The following FLYWCH1 variants were observed in gnomAD, a reference collection of about 807,000 sequenced individuals.
FLYWCH1 encodes FLYWCH-type zinc finger 1.
Under a neutral mutation model 66.4 loss-of-function variants are expected in FLYWCH1, and 75 were observed. The observed-to-expected ratio is 1.13, with a 90% CI of 0.94 to 1.37. The LOEUF (loss-of-function observed/expected upper bound fraction) is 1.37, where lower values mean the gene tolerates loss of function less well. Ranked by LOEUF, FLYWCH1 falls within the 40% of genes most tolerant of loss-of-function variation. The pLI is 0.00. For synonymous variants in FLYWCH1, 595 were observed against 429.9 expected, an observed-to-expected ratio of 1.38 and a Z score of -4.75; for missense variants, 1,334 against 1,001.8, an observed-to-expected ratio of 1.33 and a Z score of -4.48.
At chr16:2,922,402 G>A (rs1596359653) in intron 2 of FLYWCH1, 2 of 186,284 alleles carry the variant, frequency 1.1e-5, no homozygotes, top group Admixed American at 1.1e-4. Flanking sequence ...TTGTTCATCC[G>A]TCACCACCGT....
intron 6 of FLYWCH1, 129 bp downstream of exon 6, chr16:2,934,108 C>A: frequency 1.7e-6 from 2 of 1,192,518 alleles, no homozygotes; most frequent in Non-Finnish European, 2.3e-6. Flanking sequence ...CTAGAAGGAA[C>A]TATGGCCCTG....
chr16:2,923,541 C>T (rs181268705), intron 2 of FLYWCH1, among the ~76,000 whole-genome samples: 4 of 152,126 alleles, frequency 2.6e-5, no homozygotes, highest in Non-Finnish European at 5.9e-5. Flanking sequence ...CCACAGCGCC[C>T]GGGCAGTGCA....
intron 2 of FLYWCH1, among the ~76,000 whole-genome samples, chr16:2,925,614 C>G (rs1279717790): frequency 6.8e-6 from 1 of 147,622 alleles, no homozygotes; most frequent in Non-Finnish European, 1.5e-5. Context: ...CTAACCTTTT[C>G]CTGCCTGGAG....
rs533259942 is a variant in FLYWCH1, at chr16:2,915,466, A to G, written c.-74+1177A>G. 3 of 152,260 alleles carry G rather than the reference A, an allele frequency of 2.0e-5. No individual in the cohort carries two copies. In the South Asian group the frequency reaches 6.2e-4, roughly 32 times the overall value. 9.4% of individuals were successfully genotyped at this position (152,260 alleles called of 1,614,324 possible). A position where few individuals can be genotyped will look rare whatever the true frequency, so the allele number is the denominator to read the frequency against. On this transcript the variant is annotated intron_variant, in intron 2 of 9. Coordinates refer to ENST00000253928, the MANE Select transcript of FLYWCH1 (RefSeq NM_001308068.2). ...GTCTCAAACTCCTGAGCTCCACCTTACTGGCTAACGGTAAGTAAAATCTTT... is the reference window on the plus strand; with the variant it reads ...GTCTCAAACTCCTGAGCTCCACCTTGCTGGCTAACGGTAAGTAAAATCTTT...
intron 2 of FLYWCH1, chr16:2,922,720 G>C: frequency 2.0e-6 from 1 of 499,442 alleles, no homozygotes; most frequent in African/African-American, 1.9e-5. Flanking sequence ...AGTGGAACAT[G>C]TGCCTTCTTC....
intron 9 of FLYWCH1, 198 bp downstream of exon 9, chr16:2,940,290 G>A (rs1450986368): frequency 1.9e-6 from 1 of 523,160 alleles, no homozygotes; most frequent in Non-Finnish European, 3.4e-6. Context: ...TGAGGCTGGA[G>A]GCCCTGCTCC....
intron 9 of FLYWCH1, among the ~76,000 whole-genome samples, chr16:2,947,523 G>A (rs929065059): frequency 1.3e-5 from 2 of 152,210 alleles, no homozygotes. Context: ...CACTTTGGGA[G>A]GCTGAGGAAG....
intron 5 of FLYWCH1, 49 bp from the exon 6 acceptor site, chr16:2,933,667 C>A (rs2070869513): frequency 1.3e-6 from 2 of 1,583,192 alleles, no homozygotes; most frequent in African/African-American, 1.3e-5. Flanking sequence ...TGCGATCAGG[C>A]CTACCCAGCC....
chr16:2,945,720 G>C (rs144814134), intron 9 of FLYWCH1, among the ~76,000 whole-genome samples: 23 of 151,196 alleles, frequency 1.5e-4, no homozygotes, highest in African/African-American at 5.4e-4. Context: ...TATAGAGGCC[G>C]GGTGCGGTGG....
At chr16:2,928,540 C>G (rs534159975) in intron 2 of FLYWCH1, among the ~76,000 whole-genome samples, 1 of 152,356 alleles carries the variant, frequency 6.6e-6, no homozygotes, top group Admixed American at 6.5e-5. Context: ...AGCCTTAAAT[C>G]CATTAAACCT....
chr16:2,934,503 C>T (rs1206404459), intron 6 of FLYWCH1: 3 of 385,662 alleles, frequency 7.8e-6, no homozygotes, highest in Non-Finnish European at 1.5e-5. Flanking sequence ...CCCGCAGTGC[C>T]TGGTGTTTTG....
At chr16:2,934,645 G>T (rs188908898) in intron 6 of FLYWCH1, 2 of 456,684 alleles carry the variant, frequency 4.4e-6, no homozygotes, top group Non-Finnish European at 8.8e-6. Flanking sequence ...TGGCTCTTCC[G>T]GATCCTGCAG....
rs2071609063 is a variant in FLYWCH1 at position 2,949,342 on chromosome 16, G to A, written c.*615G>A. On this transcript the variant is annotated 3_prime_UTR_variant, in exon 10 of 10. Coordinates refer to ENST00000253928, the MANE Select transcript of FLYWCH1 (RefSeq NM_001308068.2). ...CTCCGCACTCCACACTTTCCTTTCT[G>A]TGCTCCTTCCAAGTTAAATTAAACC... 1 of 152,426 alleles carries A rather than the reference G, an allele frequency of 6.6e-6. No individual in the cohort carries two copies. Among genetic ancestry groups the A allele is most frequent in the African/African-American group, 2.4e-5 (1 of 41,426 alleles). The allele number at this position is 152,426 out of a possible 1,614,324, so 9.4% of individuals were successfully genotyped here.
rs865924846 is a variant in FLYWCH1 at position 2,945,504 on chromosome 16, A to C, written c.2112-3184A>C. 6.4e-3 allele frequency among the ~76,000 whole-genome samples: 931 copies of C among 144,464 alleles called. 15 individuals are homozygous for C. The highest frequency in any genetic ancestry group is 0.022 in the African/African-American group (865 of 39,092). The allele number at this position is 144,464 out of a possible 152,430, so 94.8% of individuals were successfully genotyped here. On this transcript the variant is annotated intron_variant, in intron 9 of 9. Transcript: ENST00000253928. ...CCATCTCAAAAAAAAAAAAAAAAAA[A>C]AATTAGCCAGGCATGGTGGCACACA...
Position 2,929,822 on chromosome 16 carries a change from C to A in FLYWCH1, c.137C>A (p.Thr46Lys). The change falls in exon 3 of 10, where the codon ACA becomes AAA. Residue 46 changes from threonine (T) to lysine (K), a missense_variant. Physicochemically the swap from Thr to Lys is moderately conservative, Grantham distance 78 (BLOSUM62 -1). Transcript: ENST00000253928. ...PREFSKLVLL[T>K]ASDQDEDGVG... Reference sequence around the variant, plus strand: ...GAGTTCTCCAAACTGGTGCTGCTCACAGCCTCCGACCAAGATGAGGATGGG... The same window carrying A: ...GAGTTCTCCAAACTGGTGCTGCTCAAAGCCTCCGACCAAGATGAGGATGGG... 6.2e-7 allele frequency: 1 copy of A among 1,613,990 alleles called. No homozygotes were observed. The highest frequency in any genetic ancestry group is 1.3e-5 in the African/African-American group (1 of 75,060).
chr16:2,943,961 G>C (rs1023000709), intron 9 of FLYWCH1, among the ~76,000 whole-genome samples: 4 of 151,994 alleles, frequency 2.6e-5, no homozygotes, highest in Non-Finnish European at 5.9e-5. Flanking sequence ...AAAATTAGCT[G>C]TGTGTGGTGG....
At chr16:2,936,743 G>C in intron 6 of FLYWCH1, 1 of 484,468 alleles carries the variant, frequency 2.1e-6, no homozygotes, top group Non-Finnish European at 4.1e-6. Context: ...CGGCTCCTGA[G>C]CAGCTTTGTC....
chr16:2,933,020 T>G (rs111656181), intron 4 of FLYWCH1, 110 bp from the exon 5 acceptor site: 6 of 973,770 alleles, frequency 6.2e-6, no homozygotes, highest in African/African-American at 3.3e-5. Context: ...CAGGGTAAAT[T>G]TCAGCCTTAA....
At chr16:2,941,627 A>G (rs1388908826) in intron 9 of FLYWCH1, among the ~76,000 whole-genome samples, 1 of 151,776 alleles carries the variant, frequency 6.6e-6, no homozygotes, top group Non-Finnish European at 1.5e-5. Flanking sequence ...CTGTAATCCT[A>G]GCATTTTGGG....
Sources: allele counts gnomAD v4.1 joint callset (sites outside exome capture counted in the v4.1 genomes callset), GRCh38; gene constraint gnomAD v4.1.1; transcripts MANE v1.5; gene names NCBI Gene and HGNC (gene_info 2026-07-23, HGNC 2026-07-21).